The following FAM107B variants were observed in gnomAD, a reference collection of about 807,000 sequenced individuals.
The protein encoded by FAM107B is protein FAM107B.
FAM107B carries 21 observed loss-of-function variants against 31.5 expected under a neutral mutation model. The ratio of observed to expected loss-of-function variants is 0.67; its 90% CI spans 0.47 to 0.96. The LOEUF is 0.96. Among genes scored for constraint, FAM107B ranks in the 40% least tolerant of loss-of-function variants. The probability of loss-of-function intolerance (pLI) is 0.00; values close to 1 mark genes in which losing one functional copy is unlikely to be tolerated. For synonymous variants in FAM107B, 157 were observed against 141.5 expected, an observed-to-expected ratio of 1.11 and a Z score of -0.78; for missense variants, 452 against 377.1, an observed-to-expected ratio of 1.20 and a Z score of -1.64.
At chr10:14,609,513 C>G (rs12246306) in intron 2 of FAM107B, among the ~76,000 whole-genome samples, 1 of 152,130 alleles carries the variant, frequency 6.6e-6, no homozygotes, top group African/African-American at 2.4e-5. Context: ...CATCATGTGG[C>G]CCTCCCCATC....
intron 1 of FAM107B, among the ~76,000 whole-genome samples, chr10:14,688,716 G>A (rs61118058): frequency 0.052 from 7,971 of 152,166 alleles, 690 homozygotes; most frequent in African/African-American, 0.18. Context: ...TTTACAAGGC[G>A]TCGGTAAACA....
intron 1 of FAM107B, among the ~76,000 whole-genome samples, chr10:14,692,404 G>A (rs111855373): frequency 1.8e-4 from 28 of 152,232 alleles, no homozygotes; most frequent in African/African-American, 6.7e-4. Context: ...GGCTGAGGGT[G>A]GGGTGACTTC....
At position 14,719,534 on chromosome 10, in the gene FAM107B, A is replaced by G. The variant is rs372840192; in HGVS notation, c.412-51843T>C. On this transcript the variant is annotated intron_variant, in intron 1 of 4. Transcript: ENST00000181796. The stretch of plus-strand genomic sequence containing the variant: ...TTGTTCCAGGGAACACACGCCGGTC[A>G]TTTGCCAACTTGCTCTCAGCCTCAT... Among the ~76,000 whole-genome samples the G allele has an allele frequency of 1.2e-4, 19 of 152,310 alleles. No individual in the cohort carries two copies. The East Asian group carries it at 1.9e-3, about 15-fold the overall frequency.
rs71505033 is a variant in FAM107B at position 14,628,112 on chromosome 10, G to GTTTTTTTTTTTTTTTTTTT, written c.469+39503_469+39521dup. On this transcript the variant is annotated intron_variant, in intron 2 of 4. Coordinates refer to ENST00000181796, the MANE Select transcript of FAM107B (RefSeq NM_031453.4). ...TCCTTGTTTGTTTTTTGTTTTGCTG[G>GTTTTTTTTTTTTTTTTTTT]TTTTTTTTTTTTTTTTTTTTTGAGA... Among the ~76,000 whole-genome samples, 39 of 92,670 alleles carry GTTTTTTTTTTTTTTTTTTT rather than the reference G, an allele frequency of 4.2e-4. 1 individual carries two copies. The highest frequency in any genetic ancestry group is 3.9e-3 in the East Asian group (9 of 2,290). The allele number at this position is 92,670 out of a possible 152,430, so 60.8% of individuals were successfully genotyped here.
intron 2 of FAM107B, among the ~76,000 whole-genome samples, chr10:14,582,352 T>C (rs1368315424): frequency 6.6e-6 from 1 of 150,554 alleles, no homozygotes; most frequent in Non-Finnish European, 1.5e-5. Flanking sequence ...CACATACCCA[T>C]GTTTGTTTTT....
At chr10:14,522,438 G>A (rs1200460725) in intron 3 of FAM107B, among the ~76,000 whole-genome samples, 2 of 149,006 alleles carry the variant, frequency 1.3e-5, no homozygotes, top group Admixed American at 6.7e-5. Context: ...TTCTGAGACA[G>A]AGTCTCACTC....
At chr10:14,523,156 T>G (rs943540086) in intron 3 of FAM107B, among the ~76,000 whole-genome samples, 4 of 152,236 alleles carry the variant, frequency 2.6e-5, no homozygotes, top group Admixed American at 2.6e-4. Context: ...AGCTTAAGAT[T>G]TGCCTTTTCT....
intron 2 of FAM107B, among the ~76,000 whole-genome samples, chr10:14,542,134 G>A (rs750114207): frequency 5.9e-5 from 9 of 151,984 alleles, no homozygotes; most frequent in Admixed American, 2.0e-4. Context: ...GCCAGGCATC[G>A]TGGTGCATGT....
At chr10:14,605,745 CTTCTCTCTCGT>C (rs1333632978) in intron 2 of FAM107B, among the ~76,000 whole-genome samples, 1 of 152,146 alleles carries the variant, frequency 6.6e-6, no homozygotes, top group Non-Finnish European at 1.5e-5. Flanking sequence ...ATGATTCTTC[CTTCTCTCTCGT>C]CCTTGAGTTG....
chr10:14,668,884 G>T (rs1854472501), intron 1 of FAM107B, among the ~76,000 whole-genome samples: 1 of 152,170 alleles, frequency 6.6e-6, no homozygotes, highest in African/African-American at 2.4e-5. Context: ...CCATAATAAA[G>T]TATATGGGTG....
intron 2 of FAM107B, among the ~76,000 whole-genome samples, chr10:14,574,554 A>T (rs1851405125): frequency 6.6e-6 from 1 of 152,210 alleles, no homozygotes; most frequent in Admixed American, 6.5e-5. Context: ...TTGGCAGCCC[A>T]TCAGACTAGC....
chr10:14,743,829 T>A (rs887758681), intron 1 of FAM107B, among the ~76,000 whole-genome samples: 7 of 152,206 alleles, frequency 4.6e-5, no homozygotes, highest in African/African-American at 1.7e-4. Flanking sequence ...TTGTCTTGGC[T>A]ATATGGGCTC....
chr10:14,627,506 G>C (rs952849638), intron 2 of FAM107B, among the ~76,000 whole-genome samples: 14 of 152,230 alleles, frequency 9.2e-5, no homozygotes, highest in African/African-American at 3.4e-4. Context: ...GGGTGCAATG[G>C]CTCACGCCTG....
intron 2 of FAM107B, among the ~76,000 whole-genome samples, chr10:14,619,244 G>C (rs543908615): frequency 2.0e-5 from 3 of 152,226 alleles, no homozygotes; most frequent in African/African-American, 4.8e-5. Flanking sequence ...AAGGCAGTAC[G>C]GTCAGTCGGT....
At chr10:14,690,127 G>A (rs1271177467) in intron 1 of FAM107B, among the ~76,000 whole-genome samples, 1 of 152,118 alleles carries the variant, frequency 6.6e-6, no homozygotes. Flanking sequence ...CCTGCCTGTT[G>A]ATTGATCACA....
At chr10:14,570,703 G>C (rs1424431318) in intron 2 of FAM107B, among the ~76,000 whole-genome samples, 1 of 151,990 alleles carries the variant, frequency 6.6e-6, no homozygotes, top group African/African-American at 2.4e-5. Flanking sequence ...TTGGGAGGCT[G>C]AGGCAGAAGA....
intron 1 of FAM107B, among the ~76,000 whole-genome samples, chr10:14,749,087 G>A (rs1254939261): frequency 6.6e-6 from 1 of 152,196 alleles, no homozygotes. Context: ...GTTCTCTGGT[G>A]TGCTCGGAGT....
intron 2 of FAM107B, among the ~76,000 whole-genome samples, chr10:14,656,501 A>G (rs1854058751): frequency 6.6e-6 from 1 of 152,214 alleles, no homozygotes; most frequent in African/African-American, 2.4e-5. Flanking sequence ...GTGCACTCCA[A>G]GGAGACAAGT....
Position 14,681,938 on chromosome 10 carries a change from G to A in FAM107B, c.412-14247C>T, listed in dbSNP as rs556540327. 2.3e-3 allele frequency among the ~76,000 whole-genome samples: 349 copies of A among 152,220 alleles called. 1 individual carries two copies. The highest frequency in any genetic ancestry group is 4.2e-3 in the Non-Finnish European group (284 of 68,010). On this transcript the variant is annotated intron_variant, in intron 1 of 4. Coordinates refer to ENST00000181796, the MANE Select transcript of FAM107B (RefSeq NM_031453.4). Reference sequence around the variant, plus strand: ...TATCATGGGTTTGAGAGTCAATTGCGGGCACCTATACACCAGTCAAAACAA... The same window carrying A: ...TATCATGGGTTTGAGAGTCAATTGCAGGCACCTATACACCAGTCAAAACAA...
Sources: allele counts gnomAD v4.1 joint callset (sites outside exome capture counted in the v4.1 genomes callset), GRCh38; gene constraint gnomAD v4.1.1; transcripts MANE v1.5; gene names NCBI Gene and HGNC (gene_info 2026-07-23, HGNC 2026-07-21).